The following GALNTL6 variants were observed in gnomAD, a reference collection of about 807,000 sequenced individuals.
GALNTL6 encodes polypeptide N-acetylgalactosaminyltransferase-like 6.
Under a neutral mutation model 73.7 loss-of-function variants are expected in GALNTL6, and 46 were observed. The observed-to-expected ratio is 0.62, with a 90% CI of 0.49 to 0.80. GALNTL6 has a LOEUF of 0.80. Ranked by LOEUF, GALNTL6 falls within the 30% of genes least tolerant of loss-of-function variation. GALNTL6 has a pLI of 0.00. For missense variants in GALNTL6, 604 were observed against 755.0 expected (o/e 0.80, Z 2.34); for synonymous variants, 259 against 263.7 (o/e 0.98, Z 0.17).
At chr4:173,003,634 A>G (rs1490832275) in intron 10 of GALNTL6, among the ~76,000 whole-genome samples, 1 of 152,178 alleles carries the variant, frequency 6.6e-6, no homozygotes, top group Non-Finnish European at 1.5e-5. Context: ...CTGAGGCATG[A>G]TCGTCTTCAT....
chr4:172,954,965 A>G (rs1749641386), intron 10 of GALNTL6, among the ~76,000 whole-genome samples: 1 of 152,170 alleles, frequency 6.6e-6, no homozygotes, highest in Admixed American at 6.5e-5. Context: ...GGATGGGAGG[A>G]AGGCAAGAAG....
At chr4:172,917,107 A>C (rs954606624) in intron 8 of GALNTL6, among the ~76,000 whole-genome samples, 6 of 152,198 alleles carry the variant, frequency 3.9e-5, no homozygotes, top group African/African-American at 1.4e-4. Flanking sequence ...GTCTACAACC[A>C]TCTGATCTTT....
intron 1 of GALNTL6, 55 bp downstream of exon 1, chr4:171,814,045 T>G (rs536964799): frequency 6.5e-6 from 1 of 152,966 alleles, no homozygotes; most frequent in South Asian, 2.1e-4. Context: ...ACGAAGAAGG[T>G]GACGCTGTTC....
intron 3 of GALNTL6, among the ~76,000 whole-genome samples, chr4:172,293,747 A>G (rs903131445): frequency 6.6e-6 from 1 of 151,594 alleles, no homozygotes; most frequent in African/African-American, 2.4e-5. Flanking sequence ...ATATATTACT[A>G]TACAAAACAT....
At chr4:172,654,537 A>G (rs768750674) in intron 5 of GALNTL6, among the ~76,000 whole-genome samples, 25 of 152,214 alleles carry the variant, frequency 1.6e-4, no homozygotes, top group Non-Finnish European at 3.1e-4. Flanking sequence ...ATTGAATTAC[A>G]TGATAAATTT....
chr4:171,974,549 T>C (rs1739663150), intron 2 of GALNTL6, among the ~76,000 whole-genome samples: 1 of 152,206 alleles, frequency 6.6e-6, no homozygotes, highest in South Asian at 2.1e-4. Flanking sequence ...CAAAGAATGA[T>C]TTTCCACATA....
intron 2 of GALNTL6, among the ~76,000 whole-genome samples, chr4:172,197,762 T>C (rs1476607899): frequency 6.6e-6 from 1 of 152,120 alleles, no homozygotes; most frequent in African/African-American, 2.4e-5. Flanking sequence ...CTGAAAGCCT[T>C]CCTTACACCT....
At chr4:172,622,896 T>G (rs7693019) in intron 5 of GALNTL6, among the ~76,000 whole-genome samples, 56,492 of 151,914 alleles carry the variant, frequency 0.37, 11,528 homozygotes, top group African/African-American at 0.52. Flanking sequence ...AAAATGTATC[T>G]AGAAAACTAA....
intron 5 of GALNTL6, among the ~76,000 whole-genome samples, chr4:172,633,632 G>T (rs954472063): frequency 1.3e-5 from 2 of 152,164 alleles, no homozygotes; most frequent in East Asian, 3.9e-4. Context: ...TTAAGACTTT[G>T]GGGATCTATT....
chr4:171,916,721 G>A (rs1049700186), intron 2 of GALNTL6, among the ~76,000 whole-genome samples: 2 of 151,886 alleles, frequency 1.3e-5, no homozygotes, highest in Non-Finnish European at 2.9e-5. Context: ...TTACTTTAGG[G>A]GAAAAAGTTT....
chr4:172,676,332 T>C (rs1168058432), intron 5 of GALNTL6, among the ~76,000 whole-genome samples: 2 of 152,246 alleles, frequency 1.3e-5, no homozygotes, highest in African/African-American at 4.8e-5. Flanking sequence ...TACATGCTTC[T>C]CTCTTTGACT....
chr4:172,985,105 T>A (rs1751234579), intron 10 of GALNTL6, among the ~76,000 whole-genome samples: 1 of 152,168 alleles, frequency 6.6e-6, no homozygotes. Context: ...AAAACATCAT[T>A]GCTGGAGCCT....
chr4:172,156,691 A>G (rs1277655881), intron 2 of GALNTL6, among the ~76,000 whole-genome samples: 1 of 151,184 alleles, frequency 6.6e-6, no homozygotes, highest in Non-Finnish European at 1.5e-5. Context: ...TTCTAGGAAA[A>G]CACAATCAAG....
rs562277926 is a variant in GALNTL6, at chr4:172,257,597, AG to A, written c.247+27834del. On this transcript the variant is annotated intron_variant, in intron 3 of 12. Coordinates refer to ENST00000506823, the MANE Select transcript of GALNTL6 (RefSeq NM_001034845.3). The stretch of plus-strand genomic sequence containing the variant: ...TTTCCTATTTATTGAGTAGGTTTGT[AG>A]AAAGCAGAGGTGTTTAGTAATGGCA... Among the ~76,000 whole-genome samples, 20 of 151,510 alleles carry A rather than the reference AG, an allele frequency of 1.3e-4. No individual in the cohort carries two copies. The South Asian group carries it at 3.9e-3, about 30-fold the overall frequency.
intron 2 of GALNTL6, among the ~76,000 whole-genome samples, chr4:171,942,482 T>G (rs375768301): frequency 3.9e-5 from 6 of 152,164 alleles, no homozygotes; most frequent in South Asian, 4.1e-4. Flanking sequence ...TGCTTAATTC[T>G]AATACAATAA....
chr4:172,838,234 G>A (rs575075283), intron 7 of GALNTL6, among the ~76,000 whole-genome samples: 140 of 152,310 alleles, frequency 9.2e-4, no homozygotes, highest in African/African-American at 3.2e-3. Flanking sequence ...TTGTGAAGGT[G>A]ATCAGGAATT....
At chr4:172,418,343 A>G (rs1315267949) in intron 5 of GALNTL6, among the ~76,000 whole-genome samples, 2 of 152,298 alleles carry the variant, frequency 1.3e-5, no homozygotes, top group East Asian at 3.9e-4. Context: ...GGCTTGGCCA[A>G]TATAACTTGT....
At chr4:172,429,518 G>A (rs1231146055) in intron 5 of GALNTL6, among the ~76,000 whole-genome samples, 1 of 152,092 alleles carries the variant, frequency 6.6e-6, no homozygotes, top group African/African-American at 2.4e-5. Flanking sequence ...CACCTTAAGA[G>A]TCAAAATTTT....
At chr4:171,876,209 A>G (rs1305583161) in intron 2 of GALNTL6, among the ~76,000 whole-genome samples, 1 of 152,136 alleles carries the variant, frequency 6.6e-6, no homozygotes, top group Middle Eastern at 3.2e-3. Flanking sequence ...ATCATGTGCT[A>G]TGGAACAGAT....
Sources: allele counts gnomAD v4.1 joint callset (sites outside exome capture counted in the v4.1 genomes callset), GRCh38; gene constraint gnomAD v4.1.1; transcripts MANE v1.5; gene names NCBI Gene and HGNC (gene_info 2026-07-23, HGNC 2026-07-21).